SEPTIN6: variants seen among roughly 807,000 people sequenced by gnomAD.
The protein encoded by SEPTIN6 is septin-6.
A neutral mutation model predicts 33.6 loss-of-function variants in SEPTIN6; 8 were observed. That is an observed-to-expected ratio of 0.24 (90% CI 0.14 to 0.43). SEPTIN6 has a LOEUF of 0.43. Ranked by LOEUF, SEPTIN6 falls within the 20% of genes least tolerant of loss-of-function variation. SEPTIN6 has a pLI of 1.00. For synonymous variants in SEPTIN6, 131 were observed against 140.0 expected, an observed-to-expected ratio of 0.94 and a Z score of 0.45; for missense variants, 250 against 340.8, an observed-to-expected ratio of 0.73 and a Z score of 2.10.
intron 1 of SEPTIN6, 76 bp from the exon 2 acceptor site, chrX:119,675,744 T>C (rs1299991709): frequency 4.1e-5 from 24 of 587,870 alleles, no homozygotes; most frequent in Non-Finnish European, 4.9e-5. Context: ...CATCCAAATG[T>C]TCGCTGTGCA....
chrX:119,657,246 C>A (rs2054464126), intron 3 of SEPTIN6, among the ~76,000 whole-genome samples: 2 of 109,046 alleles, frequency 1.8e-5, no homozygotes, highest in Non-Finnish European at 3.8e-5. Context: ...AACAAAAAAA[C>A]TGTGCCTTAT....
At chrX:119,630,823 G>A (rs957523535) in intron 8 of SEPTIN6, among the ~76,000 whole-genome samples, 4 of 109,812 alleles carry the variant, frequency 3.6e-5, no homozygotes, top group Non-Finnish European at 7.6e-5. Context: ...AACCCGGGAG[G>A]CGGAGCTTTC....
intron 8 of SEPTIN6, among the ~76,000 whole-genome samples, chrX:119,632,441 C>T (rs1429283852): frequency 3.7e-5 from 4 of 109,220 alleles, no homozygotes; most frequent in Non-Finnish European, 7.6e-5. Context: ...TGTGATCCGC[C>T]CGCCTTGGCC....
rs191833422 is a variant in SEPTIN6 at position 119,680,047 on chromosome X, C to T, written c.31-4379G>A. 1.1e-4 allele frequency among the ~76,000 whole-genome samples: 12 copies of T among 110,409 alleles called. No individual in the cohort carries two copies. The East Asian group carries it at 3.1e-3, about 29-fold the overall frequency. ...GATGAGGAGACTGATTTTAAATTAG[C>T]TGTTACTAAAAAAATTACATTTATC... On this transcript the variant is annotated intron_variant, in intron 1 of 10. Transcript: ENST00000394610.
chrX:119,677,688 C>G (rs1381605722), intron 1 of SEPTIN6, among the ~76,000 whole-genome samples: 1 of 112,219 alleles, frequency 8.9e-6, no homozygotes, highest in Non-Finnish European at 1.9e-5. Context: ...GGTGGTGGAG[C>G]CTCTCAGCAG....
intron 10 of SEPTIN6, among the ~76,000 whole-genome samples, chrX:119,623,576 G>A (rs767159402): frequency 4.5e-5 from 5 of 112,273 alleles, no homozygotes; most frequent in East Asian, 2.8e-4. Context: ...GGTGGCTCAC[G>A]CCTGTAATCT....
chrX:119,620,562 G>C (rs1185966002), intron 10 of SEPTIN6, among the ~76,000 whole-genome samples: 2 of 109,219 alleles, frequency 1.8e-5, no homozygotes, highest in African/African-American at 6.7e-5. Context: ...CTCATGATCT[G>C]CCCGCCTTGG....
At chrX:119,643,258 T>C (rs1201979090) in intron 5 of SEPTIN6, among the ~76,000 whole-genome samples, 1 of 109,578 alleles carries the variant, frequency 9.1e-6, no homozygotes, top group Non-Finnish European at 1.9e-5. Flanking sequence ...AGCCAAGGGG[T>C]GGCGAATGCA....
intron 9 of SEPTIN6, 169 bp downstream of exon 9, chrX:119,629,149 A>G (rs1228279954): frequency 2.2e-6 from 1 of 459,699 alleles, no homozygotes; most frequent in African/African-American, 2.4e-5. Context: ...CAGGGAATCC[A>G]AAGGTGCCAC....
intron 1 of SEPTIN6, among the ~76,000 whole-genome samples, chrX:119,690,723 CAAAAAAAAAA>C (rs772333455): frequency 4.3e-5 from 1 of 23,038 alleles, no homozygotes; most frequent in South Asian, 2.8e-3. Flanking sequence ...GACTCCGTCT[CAAAAAAAAAA>C]AAAAAAAAAA....
At chrX:119,629,160 A>C in intron 9 of SEPTIN6, 158 bp downstream of exon 9, 1 of 486,056 alleles carries the variant, frequency 2.1e-6, no homozygotes. Context: ...AAGGTGCCAC[A>C]GGGATGCTGG....
At chrX:119,626,570 C>CT (rs756794987) in intron 9 of SEPTIN6, among the ~76,000 whole-genome samples, 1 of 111,873 alleles carries the variant, frequency 8.9e-6, no homozygotes, top group East Asian at 2.8e-4. Flanking sequence ...TCCAAAGAGA[C>CT]TTTTTTCTGG....
chrX:119,624,238 C>T (rs760210770), intron 10 of SEPTIN6, among the ~76,000 whole-genome samples: 2 of 106,432 alleles, frequency 1.9e-5, no homozygotes, highest in South Asian at 8.2e-4. Flanking sequence ...TGCAAAGGTG[C>T]GATCTCGGCT....
In SEPTIN6 at chrX:119,653,067, G is replaced by A. The variant is rs761037058; in HGVS notation, c.342-27C>T. The A allele has an allele frequency of 5.1e-4, 588 of 1,154,218 alleles. 3 individuals are homozygous for A. In the South Asian group the frequency reaches 0.01, roughly 20 times the overall value. On this transcript the variant is annotated intron_variant, in intron 3 of 10. Transcript: ENST00000394610. ...TAAAAGGGAGAGCAGGGACAGAGGC[G>A]GATCCCGTCAAAAACTTGGATTTTG...
rs542738471 is a variant in SEPTIN6 at position 119,626,875 on chromosome X, C to T, written c.1281-1496G>A. ...CTAATTTTTGTATTTTTAGTAGAGA[C>T]GGGGTTTCGCCATGTTGCCCAGGCT... On this transcript the variant is annotated intron_variant, in intron 9 of 10. Transcript: ENST00000394610. Among the ~76,000 whole-genome samples, 8 of 110,309 alleles carry T rather than the reference C, an allele frequency of 7.3e-5. No individual in the cohort carries two copies. In the South Asian group the frequency reaches 3.1e-3, roughly 43 times the overall value.
At chrX:119,658,082 G>A (rs746810783) in intron 3 of SEPTIN6, among the ~76,000 whole-genome samples, 35 of 112,105 alleles carry the variant, frequency 3.1e-4, no homozygotes, top group Middle Eastern at 4.6e-3. Context: ...AGCCGAGATA[G>A]CGCCACTGCA....
chrX:119,669,393 A>G (rs1203347204), intron 2 of SEPTIN6, among the ~76,000 whole-genome samples: 1 of 112,599 alleles, frequency 8.9e-6, no homozygotes, highest in African/African-American at 3.2e-5. Context: ...TGTTGAACCC[A>G]GAGAAACGTC....
chrX:119,619,102 G>A lies in SEPTIN6; in HGVS notation c.*991C>T. ...CAAAATGCATGTTAAAAATCATCAT[G>A]ACATTCACCAAATGAACTAGAAGAC... On this transcript the variant is annotated 3_prime_UTR_variant, in exon 11 of 11. Coordinates refer to ENST00000394610, the MANE Select transcript of SEPTIN6 (RefSeq NM_145799.4). 5 of 905,623 alleles carry A rather than the reference G, an allele frequency of 5.5e-6. No individual in the cohort carries two copies. The highest frequency in any genetic ancestry group is 4.1e-6 in the Non-Finnish European group (3 of 734,727). The allele number at this position is 905,623 out of a possible 1,213,427, so 74.6% of individuals were successfully genotyped here.
chrX:119,659,317 C>T (rs906783858), intron 3 of SEPTIN6, among the ~76,000 whole-genome samples: 1 of 111,714 alleles, frequency 9.0e-6, no homozygotes, highest in African/African-American at 3.2e-5. Flanking sequence ...GCTCTTTTTG[C>T]TCTTCTGATG....
Sources: gnomAD v4.1 joint callset for allele counts (sites outside exome capture counted in the v4.1 genomes callset) on GRCh38, gnomAD v4.1.1 for gene constraint, MANE v1.5 for transcripts, NCBI Gene and HGNC (gene_info 2026-07-23, HGNC 2026-07-21) for gene names.